The following CRYBG1 variants were observed in gnomAD, a reference collection of about 807,000 sequenced individuals.
The protein encoded by CRYBG1 is beta/gamma crystallin domain-containing protein 1.
A neutral mutation model predicts 189.2 loss-of-function variants in CRYBG1; 139 were observed. The observed-to-expected ratio is 0.73, with a 90% CI of 0.64 to 0.85. The LOEUF (loss-of-function observed/expected upper bound fraction) is 0.85, where lower values mean the gene tolerates loss of function less well. Among genes scored for constraint, CRYBG1 ranks in the 40% least tolerant of loss-of-function variants. The probability of loss-of-function intolerance (pLI) is 0.00; values close to 1 mark genes in which losing one functional copy is unlikely to be tolerated. For synonymous variants in CRYBG1, 1,023 were observed against 1,017.1 expected (o/e 1.01, Z -0.11); for missense variants, 2,611 against 2,675.8 (o/e 0.98, Z 0.53).
At chr6:106,479,281 G>A (rs945455350) in intron 2 of CRYBG1, among the ~76,000 whole-genome samples, 1 of 152,138 alleles carries the variant, frequency 6.6e-6, no homozygotes, top group African/African-American at 2.4e-5. Flanking sequence ...AATACCATAG[G>A]CTGAGTGGCT....
intron 1 of CRYBG1, among the ~76,000 whole-genome samples, chr6:106,413,248 A>T (rs1389147734): frequency 6.6e-6 from 1 of 152,152 alleles, no homozygotes; most frequent in Non-Finnish European, 1.5e-5. Flanking sequence ...GATTATGCCA[A>T]CCCCTGGCAC....
chr6:106,464,222 C>T (rs1772067546), intron 2 of CRYBG1, among the ~76,000 whole-genome samples: 1 of 152,164 alleles, frequency 6.6e-6, no homozygotes. Context: ...TGGCCAGGCG[C>T]AGTGGCTCAC....
At chr6:106,507,690 T>C (rs1773161259) in intron 2 of CRYBG1, among the ~76,000 whole-genome samples, 1 of 152,186 alleles carries the variant, frequency 6.6e-6, no homozygotes. Context: ...TTTGTCTCCA[T>C]TTGCCTTAGT....
intron 2 of CRYBG1, among the ~76,000 whole-genome samples, chr6:106,497,936 C>T (rs556379985): frequency 6.6e-6 from 1 of 150,632 alleles, no homozygotes; most frequent in East Asian, 1.9e-4. Context: ...ACTACAAATA[C>T]AAAAAAAAAT....
At chr6:106,488,285 T>A (rs1017980721) in intron 2 of CRYBG1, among the ~76,000 whole-genome samples, 2 of 152,126 alleles carry the variant, frequency 1.3e-5, no homozygotes, top group Non-Finnish European at 2.9e-5. Context: ...TGCGTATAGG[T>A]TAGGCAGCTG....
Position 106,509,702 on chromosome 6 carries a change from G to T in CRYBG1, c.313-1728G>T, listed in dbSNP as rs534409320. Among the ~76,000 whole-genome samples the T allele has an allele frequency of 5.9e-5, 9 of 152,240 alleles. No individual in the cohort carries two copies. The South Asian group carries it at 1.9e-3, about 32-fold the overall frequency. On this transcript the variant is annotated intron_variant, in intron 2 of 21. Transcript: ENST00000633556. ...GGGCCGACTGTGGTTCTCGGGTGGC[G>T]GCAGAACCTCCGCGGCCTCTGAAAG...
chr6:106,561,379 G>A lies in CRYBG1; in HGVS notation c.6017G>A (p.Gly2006Glu), dbSNP rs1409453890. 3.1e-6 allele frequency: 5 copies of A among 1,613,974 alleles called. No individual in the cohort carries two copies. Among genetic ancestry groups the A allele is most frequent in the Non-Finnish European group, 4.2e-6 (5 of 1,179,998 alleles). Residue 2006 changes from glycine (G) to glutamate (E), a missense_variant, in exon 20 of 22, where the codon GGG (glycine) becomes GAG (glutamate). Around this residue, in one of 3 missense-constraint regions of CRYBG1, gnomAD observed 1,622 missense variants for 1,735.0 expected, o/e 0.93. Transcript: ENST00000633556. ...TTCAGACTTCGAAACAAAGCAACAG[G>A]GTTATTCATGTCAACCAATGGAAAC... is the stretch of plus-strand genomic sequence containing the variant. ...IYFRLRNKAT[G>E]LFMSTNGNLE... is the part of the protein sequence containing the mutation.
Position 106,520,542 on chromosome 6 carries a change from A to G in CRYBG1, c.3334A>G (p.Ile1112Val). The change falls in exon 4 of 22, where the codon ATA (isoleucine) becomes GTA (valine). Residue 1112 changes from isoleucine to valine, a missense_variant. Transcript: ENST00000633556. ...SSDMEKFTEI[I>V]KQMDSAVCMP... The stretch of plus-strand genomic sequence containing the variant: ...TGATATGGAAAAATTCACTGAAATT[A>G]TAAAACAGATGGATAGCGCAGTTTG... The G allele has an allele frequency of 1.9e-6, 3 of 1,614,186 alleles. No individual in the cohort carries two copies. The highest frequency in any genetic ancestry group is 1.7e-6 in the Non-Finnish European group (2 of 1,180,010).
chr6:106,498,094 C>T (rs1341471905), intron 2 of CRYBG1, among the ~76,000 whole-genome samples: 2 of 127,532 alleles, frequency 1.6e-5, no homozygotes, highest in African/African-American at 6.0e-5. Context: ...GAGCGAGACT[C>T]CGTCTTAAAA....
Position 106,558,371 on chromosome 6 carries a change from A to G in CRYBG1, c.5716-115A>G, listed in dbSNP as rs73522998. On this transcript the variant is annotated intron_variant, in intron 17 of 21. Transcript: ENST00000633556. ...GCTCCCTTGGAAAAGGAGTTTATGG[A>G]AAGGCCAAATCTAGCAGATTTTTTG... is the stretch of plus-strand genomic sequence containing the variant. 6.7e-4 allele frequency: 589 copies of G among 875,722 alleles called. 3 individuals carry two copies. In the African/African-American group the frequency reaches 9.4e-3, roughly 14 times the overall value. 54.2% of individuals were successfully genotyped at this position (875,722 alleles called of 1,614,324 possible).
At chr6:106,553,878 G>A (rs1322621314) in intron 16 of CRYBG1, among the ~76,000 whole-genome samples, 2 of 152,152 alleles carry the variant, frequency 1.3e-5, no homozygotes, top group Non-Finnish European at 2.9e-5. Context: ...AAGGTGGATT[G>A]TTCAAAGGAC....
At chr6:106,440,899 T>C (rs1486790928) in intron 1 of CRYBG1, among the ~76,000 whole-genome samples, 2 of 152,256 alleles carry the variant, frequency 1.3e-5, no homozygotes, top group East Asian at 3.8e-4. Flanking sequence ...CACCATTTTA[T>C]TGCTTTCTTT....
At chr6:106,366,805 G>A (rs185616230) in intron 1 of CRYBG1, among the ~76,000 whole-genome samples, 1 of 152,314 alleles carries the variant, frequency 6.6e-6, no homozygotes, top group East Asian at 1.9e-4. Context: ...CAGTAGCAGG[G>A]GCAATACTGG....
Position 106,519,610 on chromosome 6 carries a change from C to T in CRYBG1, c.2402C>T (p.Ala801Val). The T allele has an allele frequency of 6.2e-7, 1 of 1,614,204 alleles. No homozygotes were observed. Among genetic ancestry groups the T allele is most frequent in the Non-Finnish European group, 8.5e-7 (1 of 1,180,030 alleles). ...GCTGGCTGCCTTTCAGAACCAGTGGCTTCTGCTCTGATTCCTGTCAAGGAT... is the reference window on the plus strand; with the variant it reads ...GCTGGCTGCCTTTCAGAACCAGTGGTTTCTGCTCTGATTCCTGTCAAGGAT... ...TDAGCLSEPVASALIPVKDHK... is the reference protein window; with the variant it reads ...TDAGCLSEPVVSALIPVKDHK... The change falls in exon 4 of 22, where the codon GCT (alanine) becomes GTT (valine). Residue 801 changes from alanine to valine, a missense_variant. Ala to Val is a moderately conservative substitution (Grantham distance 64). Transcript: ENST00000633556.
At chr6:106,504,733 G>C (rs531668346) in intron 2 of CRYBG1, among the ~76,000 whole-genome samples, 4 of 152,076 alleles carry the variant, frequency 2.6e-5, no homozygotes, top group African/African-American at 9.7e-5. Flanking sequence ...AAACACAAAC[G>C]GAAAGGTGGG....
rs199754054 is a variant in CRYBG1 at position 106,520,872 on chromosome 6, A to C, written c.3664A>C (p.Lys1222Gln). The C allele has an allele frequency of 2.5e-6, 4 of 1,614,166 alleles. No homozygotes were observed. The highest frequency in any genetic ancestry group is 3.4e-6 in the Non-Finnish European group (4 of 1,180,020). ...TCTGGTGATGCCGGAAATCAATGAC[A>C]AAGAGAACAGGGACGTCACAAATGG... The part of the protein sequence containing the change: ...EPLVMPEIND[K>Q]ENRDVTNGGI... The change falls in exon 4 of 22, where the codon AAA becomes CAA. Residue 1222 changes from lysine (K) to glutamine (Q), a missense_variant. Lys to Gln is a moderately conservative substitution (Grantham distance 53). This residue lies in a region of CRYBG1 where 1,622 missense variants were observed against 1,735.0 expected (regional missense o/e 0.93). Transcript: ENST00000633556.
chr6:106,525,627 C>CT (rs1193396950), intron 6 of CRYBG1, among the ~76,000 whole-genome samples: 3 of 152,184 alleles, frequency 2.0e-5, no homozygotes, highest in African/African-American at 7.2e-5. Flanking sequence ...GAACAAGCTT[C>CT]TTTTTCCCAT....
intron 2 of CRYBG1, among the ~76,000 whole-genome samples, chr6:106,506,110 TG>T (rs1773127209): frequency 6.6e-6 from 1 of 152,230 alleles, no homozygotes; most frequent in African/African-American, 2.4e-5. Context: ...AGAATAAAGC[TG>T]CCAAGTCTTG....
chr6:106,404,250 C>T (rs1437009948), intron 1 of CRYBG1, among the ~76,000 whole-genome samples: 1 of 152,196 alleles, frequency 6.6e-6, no homozygotes, highest in African/African-American at 2.4e-5. Flanking sequence ...TCCAGGCTTC[C>T]TCATCACTGG....
Sources: gnomAD v4.1 joint callset for allele counts (sites outside exome capture counted in the v4.1 genomes callset) on GRCh38, gnomAD v4.1.1 for gene constraint, gnomAD v4.1.1 regional missense constraint, MANE v1.5 for transcripts, NCBI Gene and HGNC (gene_info 2026-07-23, HGNC 2026-07-21) for gene names.